Variants in ME1 observed in about 807,000 individuals in gnomAD.
ME1 encodes the protein NADP-dependent malic enzyme.
Under a neutral mutation model 66.4 loss-of-function variants are expected in ME1, and 74 were observed. That is an observed-to-expected ratio of 1.11 (90% CI 0.92 to 1.35). ME1 has a LOEUF of 1.35. Among genes scored for constraint, ME1 ranks in the 40% most tolerant of loss-of-function variants. ME1 has a pLI of 0.00. For missense variants in ME1, 750 were observed against 694.1 expected, an observed-to-expected ratio of 1.08 and a Z score of -0.90; for synonymous variants, 251 against 235.6, an observed-to-expected ratio of 1.07 and a Z score of -0.60.
intron 7 of ME1, among the ~76,000 whole-genome samples, chr6:83,252,911 G>A (rs1790748025): frequency 6.6e-6 from 1 of 152,156 alleles, no homozygotes; most frequent in Admixed American, 6.5e-5. Context: ...TCAACAATGT[G>A]GAATGCTGCT....
chr6:83,308,269 C>G (rs1200981137), intron 6 of ME1, among the ~76,000 whole-genome samples: 1 of 151,874 alleles, frequency 6.6e-6, no homozygotes, highest in East Asian at 1.9e-4. Context: ...TAAAAAAGAA[C>G]ACAATTTTTA....
In ME1 at chr6:83,253,653, A is replaced by G; in HGVS notation, c.790T>C (p.Cys264Arg). Reference sequence around the variant, plus strand: ...CCTTGAATATCATCATTGAATGTGCAATACTGGTTTCGATACTTGTTCAGG... The same window carrying G: ...CCTTGAATATCATCATTGAATGTGCGATACTGGTTTCGATACTTGTTCAGG... ...RLLNKYRNQY[C>R]TFNDDIQGTA... The change falls in exon 7 of 14, where the codon TGC becomes CGC. Residue 264 changes from cysteine to arginine, a missense_variant. Coordinates refer to ENST00000369705, the MANE Select transcript of ME1 (RefSeq NM_002395.6). 1 of 1,607,050 alleles carries G rather than the reference A, an allele frequency of 6.2e-7. No homozygotes were observed. Among genetic ancestry groups the G allele is most frequent in the Non-Finnish European group, 8.5e-7 (1 of 1,174,148 alleles).
intron 9 of ME1, among the ~76,000 whole-genome samples, chr6:83,234,861 A>T (rs1562454538): frequency 6.6e-6 from 1 of 152,156 alleles, no homozygotes; most frequent in Non-Finnish European, 1.5e-5. Flanking sequence ...AATGTCCCTT[A>T]TACCAAAATA....
At chr6:83,319,127 G>A (rs1347021442) in intron 5 of ME1, among the ~76,000 whole-genome samples, 1 of 149,698 alleles carries the variant, frequency 6.7e-6, no homozygotes, top group African/African-American at 2.5e-5. Flanking sequence ...CACAGGAAGG[G>A]GAACATCACA....
At position 83,268,843 on chromosome 6, in the gene ME1, C is replaced by T. The variant is rs531426072; in HGVS notation, c.705-15105G>A. On this transcript the variant is annotated intron_variant, in intron 6 of 13. Transcript: ENST00000369705. ...CTGAGCTCAAGCAATCTGCCAGCCT[C>T]GGCCTCCCAAAGTGCGGGGGTTATA... Among the ~76,000 whole-genome samples, 20 of 151,904 alleles carry T rather than the reference C, an allele frequency of 1.3e-4. No individual in the cohort carries two copies. The East Asian group carries it at 2.9e-3, about 22-fold the overall frequency.
intron 3 of ME1, among the ~76,000 whole-genome samples, chr6:83,388,943 C>T (rs544161402): frequency 2.0e-5 from 3 of 152,136 alleles, no homozygotes; most frequent in South Asian, 2.1e-4. Flanking sequence ...TGGTGAAACC[C>T]CAGCTCTACT....
intron 3 of ME1, among the ~76,000 whole-genome samples, chr6:83,369,188 T>C (rs1038268364): frequency 3.9e-5 from 6 of 152,074 alleles, no homozygotes; most frequent in Admixed American, 3.3e-4. Context: ...ACATGAAGAA[T>C]AGGGTGATGA....
intron 6 of ME1, among the ~76,000 whole-genome samples, chr6:83,303,083 G>A (rs576245703): frequency 2.0e-5 from 3 of 152,090 alleles, no homozygotes; most frequent in Non-Finnish European, 4.4e-5. Context: ...TAATGAATCT[G>A]ATCTTGAGAT....
intron 3 of ME1, among the ~76,000 whole-genome samples, chr6:83,389,260 GA>G (rs1267991630): frequency 6.6e-6 from 1 of 152,144 alleles, no homozygotes; most frequent in Non-Finnish European, 1.5e-5. Context: ...AAGATTATAT[GA>G]ATACTTTATA....
At position 83,227,462 on chromosome 6, in the gene ME1, C is replaced by T. The variant is rs755764870; in HGVS notation, c.1148G>A (p.Gly383Asp). Residue 383 changes from glycine (G) to aspartate (D), a missense_variant, in exon 11 of 14, where the codon GGT (glycine) becomes GAT (aspartate). Coordinates refer to ENST00000369705, the MANE Select transcript of ME1 (RefSeq NM_002395.6). Reference sequence around the variant, plus strand: ...GAGAATTTGTTCTGAGAATGCACCACCAATTGCAGCAACTCCTAATGAAGA... The same window carrying T: ...GAGAATTTGTTCTGAGAATGCACCATCAATTGCAGCAACTCCTAATGAAGA... ...PTALIGVAAIGGAFSEQILKD... is the reference protein window; with the variant it reads ...PTALIGVAAIDGAFSEQILKD... 1 of 1,599,194 alleles carries T rather than the reference C, an allele frequency of 6.3e-7. No individual in the cohort carries two copies. The highest frequency in any genetic ancestry group is 8.5e-7 in the Non-Finnish European group (1 of 1,170,998).
At chr6:83,392,263 T>C (rs534276424) in intron 3 of ME1, among the ~76,000 whole-genome samples, 3 of 143,614 alleles carry the variant, frequency 2.1e-5, no homozygotes, top group Non-Finnish European at 4.5e-5. Flanking sequence ...GTTAAGTCGA[T>C]ATTGTCGCCA....
At chr6:83,401,926 C>T (rs549384444) in intron 2 of ME1, among the ~76,000 whole-genome samples, 4 of 152,310 alleles carry the variant, frequency 2.6e-5, no homozygotes, top group East Asian at 1.9e-4. Flanking sequence ...CTGGCATAGA[C>T]CCTTAGTTTG....
chr6:83,395,463 A>G (rs559871216), intron 3 of ME1, among the ~76,000 whole-genome samples: 9 of 150,990 alleles, frequency 6.0e-5, no homozygotes, highest in African/African-American at 2.0e-4. Flanking sequence ...AATACTTTCT[A>G]TTATCTTAAA....
At chr6:83,377,780 G>A (rs535832312) in intron 3 of ME1, among the ~76,000 whole-genome samples, 132 of 152,178 alleles carry the variant, frequency 8.7e-4, no homozygotes, top group African/African-American at 3.1e-3. Context: ...AGGGATTGGT[G>A]TTTAGAAAGT....
intron 3 of ME1, among the ~76,000 whole-genome samples, chr6:83,388,300 G>GAA (rs1769553965): frequency 2.0e-5 from 3 of 152,010 alleles, no homozygotes; most frequent in Admixed American, 6.6e-5. Flanking sequence ...TGCCCAGGCT[G>GAA]GTCTTGAACT....
chr6:83,341,026 G>A (rs1452038778), intron 5 of ME1, among the ~76,000 whole-genome samples: 1 of 151,916 alleles, frequency 6.6e-6, no homozygotes, highest in Non-Finnish European at 1.5e-5. Context: ...AGAGTCACCG[G>A]GTGAACGCTG....
intron 6 of ME1, among the ~76,000 whole-genome samples, chr6:83,284,181 T>G (rs1309891308): frequency 1.3e-5 from 2 of 151,930 alleles, no homozygotes; most frequent in African/African-American, 4.8e-5. Flanking sequence ...CAAGATTGAA[T>G]CAGGAAAAAG....
intron 3 of ME1, among the ~76,000 whole-genome samples, chr6:83,367,424 T>C (rs1769118879): frequency 1.3e-5 from 2 of 152,200 alleles, no homozygotes; most frequent in Admixed American, 6.5e-5. Context: ...TTCTCCTCTC[T>C]AGCTATGAAA....
chr6:83,297,181 A>G (rs1357249630), intron 6 of ME1, among the ~76,000 whole-genome samples: 1 of 152,202 alleles, frequency 6.6e-6, no homozygotes, highest in African/African-American at 2.4e-5. Context: ...CTGAAAGCCA[A>G]ATCAGGAACT....
Sources: allele counts gnomAD v4.1 joint callset (sites outside exome capture counted in the v4.1 genomes callset), GRCh38; gene constraint gnomAD v4.1.1; transcripts MANE v1.5; gene names NCBI Gene and HGNC (gene_info 2026-07-23, HGNC 2026-07-21).